Variants in MARCHF1 observed in about 807,000 individuals in gnomAD.
MARCHF1 encodes membrane associated ring-CH-type finger 1, also known as E3 ubiquitin-protein ligase MARCHF1.
Under a neutral mutation model 54.2 loss-of-function variants are expected in MARCHF1, and 40 were observed. That is an observed-to-expected ratio of 0.74 (90% CI 0.57 to 0.96). MARCHF1 has a LOEUF of 0.96. Among genes scored for constraint, MARCHF1 ranks in the 40% least tolerant of loss-of-function variants. The pLI is 0.00. For synonymous variants in MARCHF1, 236 were observed against 236.3 expected (o/e 1.00, Z 0.01); for missense variants, 586 against 656.5 (o/e 0.89, Z 1.17).
At chr4:164,176,964 C>CCCTATATATA (rs1367492961) in intron 1 of MARCHF1, among the ~76,000 whole-genome samples, 1 of 47,728 alleles carries the variant, frequency 2.1e-5, no homozygotes, top group African/African-American at 1.1e-4. Context: ...CTCTCTCTCT[C>CCCTATATATA]TCTCTCTCTC....
chr4:164,188,994 C>T, intron 1 of MARCHF1: 2 of 710,604 alleles, frequency 2.8e-6, no homozygotes, highest in Non-Finnish European at 5.2e-6. Context: ...ATGGCAGCTG[C>T]TATTGGTTAT....
chr4:164,289,267 C>T (rs1438900938), intron 1 of MARCHF1, among the ~76,000 whole-genome samples: 1 of 151,898 alleles, frequency 6.6e-6, no homozygotes, highest in Non-Finnish European at 1.5e-5. Context: ...TGATATCAAT[C>T]CTAGGAAGAT....
intron 4 of MARCHF1, among the ~76,000 whole-genome samples, chr4:163,721,603 G>C (rs562394378): frequency 1.3e-5 from 2 of 152,150 alleles, no homozygotes; most frequent in Admixed American, 1.3e-4. Flanking sequence ...CAGAAGGAAT[G>C]GTACCAGCTC....
intron 4 of MARCHF1, among the ~76,000 whole-genome samples, chr4:163,798,825 A>G (rs1021189348): frequency 6.6e-6 from 1 of 152,178 alleles, no homozygotes; most frequent in African/African-American, 2.4e-5. Flanking sequence ...AGTAGTACAA[A>G]GAGTAGGCAC....
chr4:163,892,851 A>G (rs1004322870), intron 3 of MARCHF1, among the ~76,000 whole-genome samples: 1 of 152,096 alleles, frequency 6.6e-6, no homozygotes, highest in Non-Finnish European at 1.5e-5. Context: ...AGGGTTAGAG[A>G]CAAATGGTTT....
intron 2 of MARCHF1, among the ~76,000 whole-genome samples, chr4:164,035,930 T>TAAAA (rs35474146): frequency 3.4e-5 from 4 of 116,616 alleles, no homozygotes; most frequent in Admixed American, 9.2e-5. Flanking sequence ...AAACTAAAAC[T>TAAAA]AAAAAAAAAA....
At chr4:164,190,352 T>C in intron 1 of MARCHF1, 1 of 617,686 alleles carries the variant, frequency 1.6e-6, no homozygotes. Flanking sequence ...GATCTGCTAC[T>C]GCTGTAATAT....
intron 5 of MARCHF1, among the ~76,000 whole-genome samples, chr4:163,647,051 G>A (rs1407749473): frequency 1.3e-5 from 2 of 152,092 alleles, no homozygotes; most frequent in Non-Finnish European, 2.9e-5. Context: ...TAGACTGAAA[G>A]TGAAGGGATG....
intron 3 of MARCHF1, among the ~76,000 whole-genome samples, chr4:163,872,610 T>C (rs1750191981): frequency 6.6e-6 from 1 of 152,184 alleles, no homozygotes; most frequent in Non-Finnish European, 1.5e-5. Flanking sequence ...AGAAGTGTTT[T>C]TACCAAACCA....
At chr4:164,259,476 A>C (rs1398979926) in intron 1 of MARCHF1, among the ~76,000 whole-genome samples, 1 of 98,158 alleles carries the variant, frequency 1.0e-5, no homozygotes, top group East Asian at 3.2e-4. Flanking sequence ...CCTGGGAGGC[A>C]GAGGTTGCGG....
intron 1 of MARCHF1, among the ~76,000 whole-genome samples, chr4:164,305,845 G>A (rs7658793): frequency 2.0e-5 from 3 of 151,842 alleles, no homozygotes; most frequent in African/African-American, 4.8e-5. Context: ...CACATTGTAC[G>A]CATGTATTGA....
intron 1 of MARCHF1, among the ~76,000 whole-genome samples, chr4:164,168,323 A>G (rs747468971): frequency 6.6e-6 from 1 of 152,050 alleles, no homozygotes; most frequent in Non-Finnish European, 1.5e-5. Context: ...TATTGTTGGT[A>G]GGAATGTAGA....
chr4:164,199,989 T>C (rs1731410561), intron 1 of MARCHF1, among the ~76,000 whole-genome samples: 1 of 152,130 alleles, frequency 6.6e-6, no homozygotes, highest in South Asian at 2.1e-4. Context: ...TTCTTTTGCT[T>C]TTTCCTGGGA....
chr4:163,539,726 C>T (rs1237466191), intron 9 of MARCHF1, among the ~76,000 whole-genome samples: 2 of 152,166 alleles, frequency 1.3e-5, no homozygotes, highest in African/African-American at 2.4e-5. Flanking sequence ...CAATTCCCTT[C>T]GTCAGGAGAA....
intron 5 of MARCHF1, among the ~76,000 whole-genome samples, chr4:163,617,014 TCAG>T (rs1420169335): frequency 7.2e-5 from 11 of 152,258 alleles, no homozygotes; most frequent in African/African-American, 2.4e-4. Flanking sequence ...TAAATGGTCA[TCAG>T]CAGATGAATG....
chr4:164,174,424 C>T (rs76417093), intron 1 of MARCHF1, among the ~76,000 whole-genome samples: 2,335 of 152,242 alleles, frequency 0.015, 59 homozygotes, highest in African/African-American at 0.053. Flanking sequence ...TTAAGCACTG[C>T]GCACCAGATG....
At chr4:163,905,724 G>A (rs1228693029) in intron 3 of MARCHF1, among the ~76,000 whole-genome samples, 1 of 152,004 alleles carries the variant, frequency 6.6e-6, no homozygotes, top group Non-Finnish European at 1.5e-5. Context: ...TGAGGTGCAG[G>A]AAGACTAAGA....
intron 9 of MARCHF1, among the ~76,000 whole-genome samples, chr4:163,539,829 C>T (rs556457442): frequency 9.2e-5 from 14 of 152,326 alleles, no homozygotes; most frequent in African/African-American, 3.4e-4. Context: ...AATATTTCTG[C>T]CAACCTTTCA....
chr4:163,775,445 C>T (rs1398840012), intron 4 of MARCHF1, among the ~76,000 whole-genome samples: 34 of 152,072 alleles, frequency 2.2e-4, no homozygotes, highest in Admixed American at 2.2e-3. Flanking sequence ...TAGAACAAAG[C>T]CTATCATGTA....
Sources: gnomAD v4.1 joint callset for allele counts (sites outside exome capture counted in the v4.1 genomes callset) on GRCh38, gnomAD v4.1.1 for gene constraint, MANE v1.5 for transcripts, NCBI Gene and HGNC (gene_info 2026-07-23, HGNC 2026-07-21) for gene names.